NINL: variants seen among roughly 807,000 people sequenced by gnomAD.
NINL encodes ninein-like protein.
In NINL, 153 loss-of-function variants were observed where a neutral mutation model predicts 160.3. The ratio of observed to expected loss-of-function variants is 0.95; its 90% CI spans 0.84 to 1.09. NINL has a LOEUF of 1.09. Ranked by LOEUF, NINL falls within the 50% of genes least tolerant of loss-of-function variation. The probability of loss-of-function intolerance (pLI) is 0.00; values close to 1 mark genes in which losing one functional copy is unlikely to be tolerated. For synonymous variants in NINL, 800 were observed against 734.8 expected, an observed-to-expected ratio of 1.09 and a Z score of -1.43; for missense variants, 1,829 against 1,764.0, an observed-to-expected ratio of 1.04 and a Z score of -0.66.
intron 1 of NINL, among the ~76,000 whole-genome samples, chr20:25,536,954 C>T (rs1324226186): frequency 6.6e-6 from 1 of 152,136 alleles, no homozygotes; most frequent in East Asian, 1.9e-4. Flanking sequence ...TAAAACAGTA[C>T]AATTAGGATA....
chr20:25,570,698 T>A (rs1257464943), intron 1 of NINL, among the ~76,000 whole-genome samples: 1 of 113,002 alleles, frequency 8.8e-6, no homozygotes, highest in Admixed American at 8.5e-5. Flanking sequence ...AGTAGACTTT[T>A]TTTTTTTTTT....
Position 25,479,142 on chromosome 20 carries a change from A to G in NINL, c.1982T>C (p.Met661Thr), listed in dbSNP as rs201802713. The G allele has an allele frequency of 1.2e-6, 2 of 1,613,760 alleles. No homozygotes were observed. The highest frequency in any genetic ancestry group is 2.2e-5 in the East Asian group (1 of 44,892). The change falls in exon 16 of 24, where the codon ATG (methionine) becomes ACG (threonine). Residue 661 changes from methionine (M) to threonine (T), a missense_variant. Coordinates refer to ENST00000278886, the MANE Select transcript of NINL (RefSeq NM_025176.6). ...GACCTCGCGCCTGCGAGCCTGCTCC[A>G]TGTCCTTCCTCTCCTTCTCAAAGTT... Reference protein sequence around the residue: ...KRNFEKERKDMEQARRREVSV... With the variant: ...KRNFEKERKDTEQARRREVSV...
intron 19 of NINL, among the ~76,000 whole-genome samples, chr20:25,464,023 A>G (rs2062852991): frequency 1.3e-5 from 2 of 152,374 alleles, no homozygotes; most frequent in South Asian, 4.1e-4. Context: ...CTTGTCCTCT[A>G]AAGACAGCCT....
chr20:25,488,416 G>A (rs1351358668), intron 13 of NINL, among the ~76,000 whole-genome samples: 4 of 152,092 alleles, frequency 2.6e-5, no homozygotes, highest in African/African-American at 9.7e-5. Context: ...AGTAGAGATG[G>A]GGTTTCACCA....
At chr20:25,528,788 T>C (rs1038884184) in intron 1 of NINL, among the ~76,000 whole-genome samples, 1 of 152,120 alleles carries the variant, frequency 6.6e-6, no homozygotes, top group Admixed American at 6.5e-5. Flanking sequence ...GCACAAGAAC[T>C]AAGGAACAAT....
rs184331210 is a variant in NINL, at chr20:25,557,823, C to T, written c.-12+27632G>A. ...TAGATGATCTTAACAACATTATCCA[C>T]TTTGTTCAAAGATAAATATACTGGG... On this transcript the variant is annotated intron_variant, in intron 1 of 23. Transcript: ENST00000278886. Among the ~76,000 whole-genome samples the T allele has an allele frequency of 3.0e-4, 46 of 152,204 alleles. No individual in the cohort carries two copies. In the Middle Eastern group the frequency reaches 0.01, roughly 34 times the overall value.
Position 25,526,388 on chromosome 20 carries a change from C to A in NINL, c.180+20G>T, listed in dbSNP as rs748908619. 6 of 1,596,570 alleles carry A rather than the reference C, an allele frequency of 3.8e-6. No individual in the cohort carries two copies. Among genetic ancestry groups the A allele is most frequent in the Non-Finnish European group, 3.4e-6 (4 of 1,167,956 alleles). On this transcript the variant is annotated intron_variant, in intron 2 of 23. Transcript: ENST00000278886. ...ATAGACCCCGTGCTTTCCTTTATGA[C>A]AATGAAGTCCAACACTCACCCTGGC...
At chr20:25,468,087 C>T (rs1418436028) in intron 18 of NINL, among the ~76,000 whole-genome samples, 1 of 152,078 alleles carries the variant, frequency 6.6e-6, no homozygotes, top group Non-Finnish European at 1.5e-5. Context: ...AAAAAAAGGC[C>T]AAACAATTGT....
chr20:25,509,778 A>T, intron 5 of NINL: 4 of 451,976 alleles, frequency 8.9e-6, no homozygotes, highest in South Asian at 6.3e-5. Flanking sequence ...GGTCTTTTCT[A>T]TCCAAAATAC....
At chr20:25,517,177 G>C (rs1322203467) in intron 3 of NINL, among the ~76,000 whole-genome samples, 1 of 151,934 alleles carries the variant, frequency 6.6e-6, no homozygotes, top group African/African-American at 2.4e-5. Context: ...TCCTGACCAG[G>C]ACATCCTGCT....
At chr20:25,541,068 T>A (rs2064655232) in intron 1 of NINL, among the ~76,000 whole-genome samples, 1 of 152,138 alleles carries the variant, frequency 6.6e-6, no homozygotes, top group African/African-American at 2.4e-5. Flanking sequence ...GACTAAAAAC[T>A]ACAAAGATAC....
chr20:25,563,610 A>C (rs1368943233), intron 1 of NINL, among the ~76,000 whole-genome samples: 1 of 152,244 alleles, frequency 6.6e-6, no homozygotes, highest in Non-Finnish European at 1.5e-5. Flanking sequence ...TATCAGACTG[A>C]ATGTTCTTTA....
chr20:25,499,648 G>C (rs1225162162), intron 8 of NINL, among the ~76,000 whole-genome samples: 1 of 152,126 alleles, frequency 6.6e-6, no homozygotes, highest in Non-Finnish European at 1.5e-5. Flanking sequence ...CATCTTGGGG[G>C]ACTCGGTAAC....
chr20:25,560,029 T>TTCAAGCGATCTTCC (rs980910773), intron 1 of NINL, among the ~76,000 whole-genome samples: 1 of 152,108 alleles, frequency 6.6e-6, no homozygotes, highest in Non-Finnish European at 1.5e-5. Context: ...ACCTCCTGGG[T>TTCAAGCGATCTTCC]TCAAGCGATC....
intron 1 of NINL, among the ~76,000 whole-genome samples, chr20:25,546,519 A>G (rs2064734353): frequency 6.6e-6 from 1 of 152,178 alleles, no homozygotes; most frequent in South Asian, 2.1e-4. Context: ...ACTATATAAA[A>G]GTCACAATTT....
intron 1 of NINL, among the ~76,000 whole-genome samples, chr20:25,557,615 G>T (rs1187458577): frequency 1.3e-5 from 2 of 151,664 alleles, no homozygotes; most frequent in African/African-American, 2.4e-5. Flanking sequence ...TCAACACAAA[G>T]ATATATCATA....
chr20:25,479,017 C>T lies in NINL; in HGVS notation c.2107G>A (p.Gly703Ser), dbSNP rs781399245. The T allele has an allele frequency of 1.5e-5, 24 of 1,609,226 alleles. No individual in the cohort carries two copies. The highest frequency in any genetic ancestry group is 1.1e-4 in the South Asian group (10 of 91,060). ...AGGCCCATCTGCTCAGGCTCGGGGC[C>T]GCGGGCTGTGTCCTGCAGCTGCTCC... Reference protein sequence around the residue: ...LQEQLQDTARGPEPEQMGLAP... With the variant: ...LQEQLQDTARSPEPEQMGLAP... The change falls in exon 16 of 24, where the codon GGC becomes AGC. Residue 703 changes from glycine to serine, a missense_variant. Transcript: ENST00000278886.
Position 25,476,222 on chromosome 20 carries a change from T to C in NINL, c.3069A>G (p.Pro1023=), listed in dbSNP as rs2063231390. 1 of 1,614,058 alleles carries C rather than the reference T, an allele frequency of 6.2e-7. No homozygotes were observed. The highest frequency in any genetic ancestry group is 8.5e-7 in the Non-Finnish European group (1 of 1,180,000). ...GCGGGTCTGCGAGCTGGAGGTGGGA[T>C]GGCAAGGACCCTCTCCTGGCAACCT... ...SVEVARRGSL[P]SHLQLADPQG... is the part of the protein sequence containing the mutation. Residue 1023 remains proline, a synonymous_variant, in exon 17 of 24, where the codon CCA becomes CCG. Coordinates refer to ENST00000278886, the MANE Select transcript of NINL (RefSeq NM_025176.6).
At chr20:25,541,500 T>C (rs1015444263) in intron 1 of NINL, among the ~76,000 whole-genome samples, 1 of 152,242 alleles carries the variant, frequency 6.6e-6, no homozygotes, top group East Asian at 1.9e-4. Flanking sequence ...TGTATGTCAA[T>C]GTATGTAAAG....
Sources: gnomAD v4.1 joint callset for allele counts (sites outside exome capture counted in the v4.1 genomes callset) on GRCh38, gnomAD v4.1.1 for gene constraint, MANE v1.5 for transcripts, NCBI Gene and HGNC (gene_info 2026-07-23, HGNC 2026-07-21) for gene names.